PCSK5: variants seen among roughly 807,000 people sequenced by gnomAD.
The protein encoded by PCSK5 is prohormone convertase 5.
A neutral mutation model predicts 233.2 loss-of-function variants in PCSK5; 129 were observed. The observed-to-expected ratio is 0.55, with a 90% CI of 0.48 to 0.64. The LOEUF (loss-of-function observed/expected upper bound fraction) is 0.64, where lower values mean the gene tolerates loss of function less well. Among genes scored for constraint, PCSK5 ranks in the 30% least tolerant of loss-of-function variants. PCSK5 has a pLI of 0.00. For synonymous variants in PCSK5, 825 were observed against 879.2 expected (o/e 0.94, Z 1.09); for missense variants, 2,076 against 2,430.1 (o/e 0.85, Z 3.06).
At chr9:76,006,454 G>A (rs1827482827) in intron 3 of PCSK5, among the ~76,000 whole-genome samples, 1 of 151,974 alleles carries the variant, frequency 6.6e-6, no homozygotes, top group African/African-American at 2.4e-5. Context: ...ACCTTTATAT[G>A]CCCTTCATTC....
At chr9:75,951,436 G>C (rs1341957368) in intron 2 of PCSK5, among the ~76,000 whole-genome samples, 2 of 152,210 alleles carry the variant, frequency 1.3e-5, no homozygotes, top group African/African-American at 4.8e-5. Context: ...AGCCTCATGT[G>C]TCCAATTCAA....
intron 5 of PCSK5, among the ~76,000 whole-genome samples, chr9:76,039,982 C>T (rs1711702650): frequency 6.6e-6 from 1 of 152,172 alleles, no homozygotes; most frequent in South Asian, 2.1e-4. Context: ...CAAGGAGGAG[C>T]CATCAACTAA....
At chr9:76,051,875 A>T (rs1296200453) in intron 5 of PCSK5, among the ~76,000 whole-genome samples, 1 of 152,216 alleles carries the variant, frequency 6.6e-6, no homozygotes, top group Non-Finnish European at 1.5e-5. Context: ...AAGTCTCAGA[A>T]GACTAAACAG....
chr9:76,054,747 A>C (rs1456919260), intron 5 of PCSK5, among the ~76,000 whole-genome samples: 1 of 152,224 alleles, frequency 6.6e-6, no homozygotes, highest in African/African-American at 2.4e-5. Flanking sequence ...CGATGGTAAC[A>C]GTTTATGTAA....
At chr9:75,958,727 C>T (rs938087150) in intron 2 of PCSK5, among the ~76,000 whole-genome samples, 2 of 152,074 alleles carry the variant, frequency 1.3e-5, no homozygotes, top group African/African-American at 2.4e-5. Flanking sequence ...TTTGGGCAAA[C>T]GATTTAGCTC....
Position 76,143,508 on chromosome 9 carries a change from G to T in PCSK5, c.1312+9296G>T, listed in dbSNP as rs146632638. On this transcript the variant is annotated intron_variant, in intron 10 of 37. Coordinates refer to ENST00000674117, the MANE Select transcript of PCSK5 (RefSeq NM_001372043.1). ...CTTACACTGATGGTGCGAATCCATT[G>T]TTCCTATGATATGTCTTACAAAATG... 3.7e-3 allele frequency among the ~76,000 whole-genome samples: 568 copies of T among 152,222 alleles called. 4 individuals carry two copies. Among genetic ancestry groups the T allele is most frequent in the African/African-American group, 0.013 (540 of 41,556 alleles).
chr9:76,328,808 TTTTG>T (rs371067936), intron 33 of PCSK5, among the ~76,000 whole-genome samples: 2 of 151,868 alleles, frequency 1.3e-5, no homozygotes, highest in Admixed American at 6.6e-5. Context: ...CATGTCCCTT[TTTTG>T]TTTGTTTGTT....
chr9:75,968,360 G>A (rs1825683772), intron 2 of PCSK5, among the ~76,000 whole-genome samples: 1 of 152,192 alleles, frequency 6.6e-6, no homozygotes, highest in Admixed American at 6.5e-5. Context: ...CGCGTTAACA[G>A]GTAAGTTAAT....
intron 35 of PCSK5, among the ~76,000 whole-genome samples, chr9:76,346,409 G>A (rs1829982607): frequency 1.3e-5 from 2 of 152,146 alleles, no homozygotes; most frequent in East Asian, 3.9e-4. Context: ...GTATCCTTGA[G>A]AATGTATTCA....
chr9:76,313,455 C>T (rs1828925857), intron 30 of PCSK5, among the ~76,000 whole-genome samples: 2 of 152,154 alleles, frequency 1.3e-5, no homozygotes, highest in Admixed American at 1.3e-4. Context: ...TTCCCCCAGC[C>T]CTAAGCAACC....
intron 13 of PCSK5, among the ~76,000 whole-genome samples, chr9:76,173,469 A>G (rs1823413236): frequency 8.2e-6 from 1 of 121,706 alleles, no homozygotes; most frequent in South Asian, 2.6e-4. Flanking sequence ...CAGTTTTACT[A>G]ACTTTAATGA....
Position 76,359,192 on chromosome 9 carries a change from A to C in PCSK5, c.*270A>C, listed in dbSNP as rs942577234. ...TCCTCAAAATAATGTGTTAAGACAC[A>C]AAAATGAAGGAAGTGAAAACAAATG... On this transcript the variant is annotated 3_prime_UTR_variant, in exon 38 of 38. Coordinates refer to ENST00000674117, the MANE Select transcript of PCSK5 (RefSeq NM_001372043.1). 2.9e-5 allele frequency: 12 copies of C among 420,428 alleles called. No individual in the cohort carries two copies. Among genetic ancestry groups the C allele is most frequent in the Admixed American group, 7.4e-5 (2 of 27,010 alleles). 26.0% of individuals were successfully genotyped at this position (420,428 alleles called of 1,614,324 possible).
chr9:76,281,207 C>G (rs1037587527), intron 24 of PCSK5, among the ~76,000 whole-genome samples: 7 of 152,214 alleles, frequency 4.6e-5, no homozygotes, highest in Admixed American at 3.9e-4. Flanking sequence ...GGTGGAACAG[C>G]CTTCCATTGG....
At chr9:76,334,496 G>A (rs1829622357) in intron 34 of PCSK5, among the ~76,000 whole-genome samples, 1 of 152,184 alleles carries the variant, frequency 6.6e-6, no homozygotes, top group African/African-American at 2.4e-5. Flanking sequence ...ACTTTGGGAG[G>A]CCGAGGTGGG....
At chr9:76,074,294 A>C (rs544098039) in intron 7 of PCSK5, among the ~76,000 whole-genome samples, 1 of 152,202 alleles carries the variant, frequency 6.6e-6, no homozygotes, top group Non-Finnish European at 1.5e-5. Context: ...AAATTTTTAG[A>C]GTATAGAGAT....
chr9:75,908,921 ATCTCTCTATC>A (rs1822558394), intron 1 of PCSK5, among the ~76,000 whole-genome samples: 2 of 113,466 alleles, frequency 1.8e-5, no homozygotes, highest in African/African-American at 6.3e-5. Context: ...CTATCTATCT[ATCTCTCTATC>A]TCTCTCTCTG....
intron 17 of PCSK5, among the ~76,000 whole-genome samples, chr9:76,185,008 C>T (rs1824035859): frequency 6.6e-6 from 1 of 152,128 alleles, no homozygotes; most frequent in East Asian, 1.9e-4. Context: ...AGATAAAACT[C>T]AATAAAAATG....
At chr9:76,299,689 C>T (rs187904870) in intron 27 of PCSK5, among the ~76,000 whole-genome samples, 5 of 152,130 alleles carry the variant, frequency 3.3e-5, no homozygotes, top group South Asian at 2.1e-4. Flanking sequence ...CAACAACAAA[C>T]GAACAAACAA....
At chr9:76,105,571 A>G (rs1012424100) in intron 8 of PCSK5, among the ~76,000 whole-genome samples, 35 of 152,264 alleles carry the variant, frequency 2.3e-4, no homozygotes, top group African/African-American at 8.2e-4. Context: ...AAACTCAGCA[A>G]TGAAAAGCCC....
Sources: allele counts gnomAD v4.1 joint callset (sites outside exome capture counted in the v4.1 genomes callset), GRCh38; gene constraint gnomAD v4.1.1; transcripts MANE v1.5; gene names NCBI Gene and HGNC (gene_info 2026-07-23, HGNC 2026-07-21).